Variants in KPNA3 observed in about 807,000 individuals in gnomAD.
The protein encoded by KPNA3 is importin subunit alpha-4.
Under a neutral mutation model 73.8 loss-of-function variants are expected in KPNA3, and 13 were observed. That is an observed-to-expected ratio of 0.18 (90% CI 0.11 to 0.28). The LOEUF (loss-of-function observed/expected upper bound fraction) is 0.28, where lower values mean the gene tolerates loss of function less well. KPNA3 is among the 10% of genes least tolerant of loss of function. KPNA3 has a pLI of 1.00. For synonymous variants in KPNA3, 186 were observed against 206.9 expected (o/e 0.90, Z 0.87); for missense variants, 360 against 618.1 (o/e 0.58, Z 4.43).
At chr13:49,724,127 A>C (rs1038197083) in intron 7 of KPNA3, among the ~76,000 whole-genome samples, 12 of 152,082 alleles carry the variant, frequency 7.9e-5, no homozygotes, top group African/African-American at 2.9e-4. Context: ...ATTCTTTTTT[A>C]CTGCTGAATT....
chr13:49,706,245 G>GT (rs747141314), intron 13 of KPNA3, 23 bp downstream of exon 13: 5 of 1,608,584 alleles, frequency 3.1e-6, no homozygotes, highest in Non-Finnish European at 3.4e-6. Flanking sequence ...TAACAGACAC[G>GT]GTGAACTCAT....
intron 1 of KPNA3, among the ~76,000 whole-genome samples, chr13:49,756,666 T>C (rs566047539): frequency 2.0e-5 from 3 of 152,354 alleles, no homozygotes; most frequent in Middle Eastern, 3.4e-3. Flanking sequence ...TTTAATGCAA[T>C]TCCTATCAAA....
intron 1 of KPNA3, among the ~76,000 whole-genome samples, chr13:49,761,292 G>A (rs555643966): frequency 4.6e-5 from 7 of 152,156 alleles, no homozygotes; most frequent in South Asian, 2.1e-4. Flanking sequence ...ATGGCGAGCC[G>A]AAGCTGGACT....
intron 1 of KPNA3, among the ~76,000 whole-genome samples, chr13:49,770,846 A>G (rs1015898722): frequency 1.9e-4 from 29 of 151,518 alleles, no homozygotes; most frequent in Admixed American, 5.9e-4. Flanking sequence ...AAAAAAAAAA[A>G]AAAAAAGAAA....
intron 2 of KPNA3, among the ~76,000 whole-genome samples, chr13:49,736,491 T>G (rs1002093814): frequency 3.9e-5 from 6 of 152,196 alleles, no homozygotes; most frequent in African/African-American, 1.4e-4. Flanking sequence ...TAACTTAGAC[T>G]TTTTTTGGTA....
chr13:49,722,387 A>T lies in KPNA3; in HGVS notation c.556+90T>A, dbSNP rs980571252. On this transcript the variant is annotated intron_variant, in intron 8 of 16. Coordinates refer to ENST00000261667, the MANE Select transcript of KPNA3 (RefSeq NM_002267.4). ...CAAGAAGAGAGTCAACACACATTAAATTCAGAGGAAACATAGTATGTAATG... is the reference window on the plus strand; with the variant it reads ...CAAGAAGAGAGTCAACACACATTAATTTCAGAGGAAACATAGTATGTAATG... 3.5e-6 allele frequency: 3 copies of T among 847,944 alleles called. No homozygotes were observed. In the African/African-American group the frequency reaches 5.1e-5, roughly 14 times the overall value. 52.5% of individuals were successfully genotyped at this position (847,944 alleles called of 1,614,324 possible).
chr13:49,772,031 T>C (rs1052089949), intron 1 of KPNA3, among the ~76,000 whole-genome samples: 2 of 152,242 alleles, frequency 1.3e-5, no homozygotes, highest in Non-Finnish European at 2.9e-5. Context: ...TCTTGTATCC[T>C]GCAACCTTGT....
intron 2 of KPNA3, among the ~76,000 whole-genome samples, chr13:49,738,086 G>A (rs554509493): frequency 2.0e-5 from 3 of 152,164 alleles, no homozygotes; most frequent in African/African-American, 7.2e-5. Flanking sequence ...TTTGCATAAG[G>A]TGTGAAGTTT....
chr13:49,711,599 C>A (rs566285939), intron 10 of KPNA3, among the ~76,000 whole-genome samples: 1 of 152,176 alleles, frequency 6.6e-6, no homozygotes, highest in African/African-American at 2.4e-5. Context: ...GGAGTATAAA[C>A]CATGCCCTAG....
chr13:49,746,736 G>A (rs1183462679), intron 2 of KPNA3, among the ~76,000 whole-genome samples: 1 of 152,184 alleles, frequency 6.6e-6, no homozygotes, highest in Non-Finnish European at 1.5e-5. Flanking sequence ...CAGATGTTAT[G>A]AGAATTTCAG....
At chr13:49,729,216 G>A (rs1378760632) in intron 6 of KPNA3, among the ~76,000 whole-genome samples, 1 of 151,974 alleles carries the variant, frequency 6.6e-6, no homozygotes, top group Non-Finnish European at 1.5e-5. Context: ...TCTAGCAGAA[G>A]GCAGGAAATA....
intron 10 of KPNA3, among the ~76,000 whole-genome samples, chr13:49,718,827 A>G (rs1954328865): frequency 6.6e-6 from 1 of 152,194 alleles, no homozygotes; most frequent in Non-Finnish European, 1.5e-5. Flanking sequence ...GTAATGTGAT[A>G]CAATTTTTAT....
At chr13:49,709,460 T>A in intron 12 of KPNA3, 112 bp downstream of exon 12, 2 of 758,176 alleles carry the variant, frequency 2.6e-6, no homozygotes, top group East Asian at 3.0e-5. Context: ...ATAATTCTCA[T>A]CTTCGCTGCA....
At chr13:49,775,343 ACT>A (rs1406730735) in intron 1 of KPNA3, among the ~76,000 whole-genome samples, 3 of 152,024 alleles carry the variant, frequency 2.0e-5, no homozygotes, top group African/African-American at 7.2e-5. Flanking sequence ...TATACAGCAT[ACT>A]GAGATAAAAG....
chr13:49,721,305 T>C (rs1272400414), intron 9 of KPNA3, among the ~76,000 whole-genome samples: 3 of 152,236 alleles, frequency 2.0e-5, no homozygotes, highest in Admixed American at 1.3e-4. Flanking sequence ...GTTTTGCCTG[T>C]AGCAACCCCC....
chr13:49,769,764 T>C (rs1954838379), intron 1 of KPNA3, among the ~76,000 whole-genome samples: 1 of 152,230 alleles, frequency 6.6e-6, no homozygotes, highest in South Asian at 2.1e-4. Context: ...TTTTCATCTT[T>C]TGGACACATA....
At chr13:49,768,054 C>CA (rs1954822944) in intron 1 of KPNA3, among the ~76,000 whole-genome samples, 1 of 152,012 alleles carries the variant, frequency 6.6e-6, no homozygotes, top group Non-Finnish European at 1.5e-5. Context: ...CCAAAGCAGG[C>CA]ATATCACAAG....
intron 12 of KPNA3, among the ~76,000 whole-genome samples, chr13:49,706,984 C>T (rs1164750550): frequency 6.6e-6 from 1 of 152,076 alleles, no homozygotes; most frequent in East Asian, 1.9e-4. Context: ...CTCCTGACCT[C>T]GTGATCCACC....
chr13:49,789,842 C>A (rs563971631), intron 1 of KPNA3, among the ~76,000 whole-genome samples: 14 of 152,296 alleles, frequency 9.2e-5, no homozygotes, highest in Non-Finnish European at 1.8e-4. Context: ...AGCCTTCTCC[C>A]GCCCTTTGCC....
Sources: allele counts gnomAD v4.1 joint callset (sites outside exome capture counted in the v4.1 genomes callset), GRCh38; gene constraint gnomAD v4.1.1; transcripts MANE v1.5; gene names NCBI Gene and HGNC (gene_info 2026-07-23, HGNC 2026-07-21).